Variants in SHISA9 observed in about 807,000 individuals in gnomAD.
SHISA9 encodes the protein protein shisa-9.
A neutral mutation model predicts 38.0 loss-of-function variants in SHISA9; 13 were observed. The observed-to-expected ratio is 0.34, with a 90% confidence interval of 0.22 to 0.54. SHISA9 has a LOEUF of 0.54. Ranked by LOEUF, SHISA9 falls within the 20% of genes least tolerant of loss-of-function variation. SHISA9 has a pLI of 0.91. For synonymous variants in SHISA9, 275 were observed against 242.0 expected, an observed-to-expected ratio of 1.14 and a Z score of -1.27; for missense variants, 538 against 575.8, an observed-to-expected ratio of 0.93 and a Z score of 0.67.
the SHISA9 span, among the ~76,000 whole-genome samples, chr16:13,538,625 C>G: frequency 1.5e-4 from 23 of 152,232 alleles, no homozygotes; most frequent in Non-Finnish European, 3.1e-4. Context: ...AGGTAACATT[C>G]TAATGAGGAA....
At chr16:13,027,933 C>CAAAAAA (rs1240201539) in intron 2 of SHISA9, among the ~76,000 whole-genome samples, 142 of 103,392 alleles carry the variant, frequency 1.4e-3, no homozygotes, top group East Asian at 3.8e-3. Flanking sequence ...GTCTCAAAAA[C>CAAAAAA]AAAAAAAAAA....
chr16:13,114,465 CAAAAAAA>C (rs58742818), intron 2 of SHISA9, among the ~76,000 whole-genome samples: 3 of 51,024 alleles, frequency 5.9e-5, no homozygotes, highest in African/African-American at 1.5e-4. Flanking sequence ...GATTCCATCT[CAAAAAAA>C]AAAAAAAAAA....
intron 2 of SHISA9, among the ~76,000 whole-genome samples, chr16:13,096,995 A>T (rs531729873): frequency 6.6e-6 from 1 of 152,252 alleles, no homozygotes; most frequent in African/African-American, 2.4e-5. Flanking sequence ...CTCTCAAGTC[A>T]CATATTTATT....
At chr16:13,488,376 AT>A in the SHISA9 span, among the ~76,000 whole-genome samples, 1 of 152,066 alleles carries the variant, frequency 6.6e-6, no homozygotes, top group East Asian at 1.9e-4. Flanking sequence ...TAAATGCTGC[AT>A]TTTTCTGTGT....
chr16:13,196,087 C>CAAAAAAAAAAAA lies in SHISA9; in HGVS notation c.692-7290_692-7279dup, dbSNP rs1172680715. Among the ~76,000 whole-genome samples the CAAAAAAAAAAAA allele has an allele frequency of 3.5e-4, 5 of 14,144 alleles. 1 individual carries two copies. The highest frequency in any genetic ancestry group is 1.6e-3 in the African/African-American group (5 of 3,058). 9.3% of individuals were successfully genotyped at this position (14,144 alleles called of 152,430 possible). A position where few individuals can be genotyped will look rare whatever the true frequency, so the allele number is the denominator to read the frequency against. On this transcript the variant is annotated intron_variant, in intron 2 of 4. Transcript: ENST00000558583. Reference sequence around the variant, plus strand: ...TGGGGGACAGAGCAAGACTCTCTCTCAAAAAAAAAAAAAAAAAAAAAAAAA... The same window carrying CAAAAAAAAAAAA: ...TGGGGGACAGAGCAAGACTCTCTCTCAAAAAAAAAAAAAAAAAAAAAAAAAAAAAAAAAAAAA...
chr16:13,511,538 CAT>C, the SHISA9 span, among the ~76,000 whole-genome samples: 1 of 152,130 alleles, frequency 6.6e-6, no homozygotes, highest in Admixed American at 6.6e-5. Context: ...ATAAAGGTAA[CAT>C]GTGTTTTCCA....
chr16:13,420,149 G>A, the SHISA9 span, among the ~76,000 whole-genome samples: 10 of 138,538 alleles, frequency 7.2e-5, no homozygotes, highest in Non-Finnish European at 1.4e-4. Flanking sequence ...TGGATGCTGA[G>A]GCAGAAGAAT....
chr16:13,532,691 C>A, the SHISA9 span, among the ~76,000 whole-genome samples: 2 of 152,044 alleles, frequency 1.3e-5, no homozygotes, highest in Admixed American at 1.3e-4. Context: ...TGCCTTCTGA[C>A]AATTTCTTTT....
chr16:12,967,758 G>A (rs1402860964), intron 2 of SHISA9, among the ~76,000 whole-genome samples: 11 of 151,988 alleles, frequency 7.2e-5, no homozygotes, highest in Non-Finnish European at 1.2e-4. Context: ...TAAAGATATT[G>A]TTGATCCTGG....
chr16:13,524,282 A>G, the SHISA9 span, among the ~76,000 whole-genome samples: 1 of 152,214 alleles, frequency 6.6e-6, no homozygotes, highest in South Asian at 2.1e-4. Context: ...GGACTCCACC[A>G]CCATCATCTG....
the SHISA9 span, among the ~76,000 whole-genome samples, chr16:13,332,260 C>T: frequency 6.6e-6 from 1 of 152,164 alleles, no homozygotes; most frequent in African/African-American, 2.4e-5. Flanking sequence ...GTGAGACTTT[C>T]AGTGCTAGAA....
chr16:13,175,553 G>C (rs939343850), intron 2 of SHISA9, among the ~76,000 whole-genome samples: 2 of 152,156 alleles, frequency 1.3e-5, no homozygotes, highest in African/African-American at 4.8e-5. Flanking sequence ...ATTCAGTCTC[G>C]TGCCCACAGC....
the SHISA9 span, among the ~76,000 whole-genome samples, chr16:13,264,546 C>T: frequency 3.9e-5 from 6 of 152,158 alleles, no homozygotes; most frequent in Middle Eastern, 0.01. Context: ...ATGAAGCATC[C>T]GGTGTACAGT....
In SHISA9 at chr16:13,153,118, G is replaced by A. The variant is rs1313758956; in HGVS notation, c.692-50276G>A. On this transcript the variant is annotated intron_variant, in intron 2 of 4. Coordinates refer to ENST00000558583, the MANE Select transcript of SHISA9 (RefSeq NM_001145204.3). ...CCCTCAAGTCTCCAGAAAGGAACACGGCTTTGCTGACACCTTGATTTTAGC... is the reference window on the plus strand; with the variant it reads ...CCCTCAAGTCTCCAGAAAGGAACACAGCTTTGCTGACACCTTGATTTTAGC... Among the ~76,000 whole-genome samples the A allele has an allele frequency of 2.0e-5, 3 of 152,176 alleles. 1 individual carries two copies. The highest frequency in any genetic ancestry group is 4.2e-4 in the South Asian group (2 of 4,816).
chr16:13,469,421 GAAAAAGAA>G, the SHISA9 span, among the ~76,000 whole-genome samples: 16 of 120,524 alleles, frequency 1.3e-4, no homozygotes, highest in African/African-American at 5.2e-4. Flanking sequence ...AAGAAAGAAA[GAAAAAGAA>G]AGAAAGAGAA....
intron 2 of SHISA9, among the ~76,000 whole-genome samples, chr16:12,941,111 G>T (rs1310231792): frequency 6.6e-6 from 1 of 152,152 alleles, no homozygotes; most frequent in Non-Finnish European, 1.5e-5. Flanking sequence ...CAGCACTTGG[G>T]GAGGCTGAGG....
chr16:12,973,955 C>T (rs1202201050), intron 2 of SHISA9, among the ~76,000 whole-genome samples: 2 of 152,170 alleles, frequency 1.3e-5, no homozygotes, highest in African/African-American at 4.8e-5. Flanking sequence ...TAAAAGTATG[C>T]TTGCTTTCCT....
At chr16:13,310,715 T>C in the SHISA9 span, among the ~76,000 whole-genome samples, 12 of 150,034 alleles carry the variant, frequency 8.0e-5, no homozygotes, top group Admixed American at 8.0e-4. Context: ...GACGGAGTCT[T>C]GCTCTGTCAC....
the SHISA9 span, among the ~76,000 whole-genome samples, chr16:13,504,176 C>T: frequency 2.0e-5 from 3 of 152,108 alleles, no homozygotes; most frequent in Non-Finnish European, 2.9e-5. Context: ...ACCTTTAGCC[C>T]TTGGAGTTTT....
Sources: gnomAD v4.1 joint callset for allele counts (sites outside exome capture counted in the v4.1 genomes callset) on GRCh38, gnomAD v4.1.1 for gene constraint, MANE v1.5 for transcripts, NCBI Gene and HGNC (gene_info 2026-07-23, HGNC 2026-07-21) for gene names.